Variants in ABHD3 observed in about 807,000 individuals in gnomAD.
ABHD3 encodes abhydrolase domain containing 3, phospholipase, also known as phospholipase ABHD3.
In ABHD3, 46 loss-of-function variants were observed where a neutral mutation model predicts 48.8. The ratio of observed to expected loss-of-function variants is 0.94; its 90% CI spans 0.74 to 1.20. The LOEUF is 1.20. Among genes scored for constraint, ABHD3 ranks in the 50% most tolerant of loss-of-function variants. The pLI is 0.00. For missense variants in ABHD3, 490 were observed against 497.8 expected, an observed-to-expected ratio of 0.98 and a Z score of 0.15; for synonymous variants, 192 against 183.7, an observed-to-expected ratio of 1.04 and a Z score of -0.36.
intron 8 of ABHD3, 58 bp from the exon 9 acceptor site, chr18:21,651,821 CA>C: frequency 6.9e-7 from 1 of 1,440,558 alleles, no homozygotes; most frequent in Non-Finnish European, 9.3e-7. Flanking sequence ...AAAATATAAT[CA>C]TTATGTTTTT....
In ABHD3 at chr18:21,651,410, A is replaced by C; in HGVS notation, c.*181T>G. The stretch of plus-strand genomic sequence containing the variant: ...TACGTAAGTAACAATCTAATACTAT[A>C]TTTAATTTGTTGCTACAAAGTTGTT... On this transcript the variant is annotated 3_prime_UTR_variant, in exon 9 of 9. Transcript: ENST00000289119. 1.8e-6 allele frequency: 1 copy of C among 565,920 alleles called. No individual in the cohort carries two copies. The highest frequency in any genetic ancestry group is 2.9e-6 in the Non-Finnish European group (1 of 340,140). The allele number at this position is 565,920 out of a possible 1,614,324, so 35.1% of individuals were successfully genotyped here. A position where few individuals can be genotyped will look rare whatever the true frequency, so the allele number is the denominator to read the frequency against.
chr18:21,666,398 T>G (rs1206981803), intron 4 of ABHD3, among the ~76,000 whole-genome samples: 2 of 152,190 alleles, frequency 1.3e-5, no homozygotes, highest in African/African-American at 4.8e-5. Flanking sequence ...TTCACCATGT[T>G]GGCCAGGCTG....
chr18:21,661,354 C>G (rs2039490590), intron 5 of ABHD3, among the ~76,000 whole-genome samples: 1 of 151,944 alleles, frequency 6.6e-6, no homozygotes, highest in Non-Finnish European at 1.5e-5. Context: ...AAGATAAACT[C>G]CAGCCGGGCG....
intron 4 of ABHD3, among the ~76,000 whole-genome samples, chr18:21,673,137 T>C (rs76992757): frequency 0.013 from 1,996 of 152,336 alleles, 47 homozygotes; most frequent in African/African-American, 0.045. Flanking sequence ...ACCTGGGTCA[T>C]GGAGGCTATC....
At chr18:21,703,870 G>A (rs1445723761) in intron 1 of ABHD3, 123 bp from the exon 2 acceptor site, 9 of 1,062,652 alleles carry the variant, frequency 8.5e-6, no homozygotes, top group Non-Finnish European at 1.2e-5. Flanking sequence ...CTTTCTGGAG[G>A]GCTGACGCAA....
rs1272756844 is a variant in ABHD3 at position 21,704,738 on chromosome 18, A to T, written c.-73T>A. 2 of 1,297,286 alleles carry T rather than the reference A, an allele frequency of 1.5e-6. No homozygotes were observed. The highest frequency in any genetic ancestry group is 6.4e-5 in the East Asian group (2 of 31,364). The allele number at this position is 1,297,286 out of a possible 1,614,324, so 80.4% of individuals were successfully genotyped here. ...TGGCGAGCGGGCGAGAGCGGGCGAG[A>T]GCGGACGCGGCGCCGCTGCCTACTC... On this transcript the variant is annotated 5_prime_UTR_variant, in exon 1 of 9. Transcript: ENST00000289119.
At chr18:21,684,754 T>C (rs2040093213) in intron 3 of ABHD3, among the ~76,000 whole-genome samples, 1 of 152,218 alleles carries the variant, frequency 6.6e-6, no homozygotes, top group Non-Finnish European at 1.5e-5. Context: ...GACACCAGAA[T>C]TTTACATGAG....
chr18:21,658,901 C>T (rs1410744755), intron 6 of ABHD3, among the ~76,000 whole-genome samples: 5 of 150,248 alleles, frequency 3.3e-5, no homozygotes, highest in South Asian at 2.1e-4. Flanking sequence ...TGCAGTGGCA[C>T]GATCTCGGCT....
intron 4 of ABHD3, among the ~76,000 whole-genome samples, chr18:21,677,426 C>G (rs1043689300): frequency 2.4e-4 from 36 of 149,934 alleles, no homozygotes; most frequent in Non-Finnish European, 4.6e-4. Flanking sequence ...AGGATGGTCT[C>G]GATCTCCTGA....
chr18:21,652,430 GAA>G (rs2039245122), intron 8 of ABHD3, among the ~76,000 whole-genome samples: 1 of 151,496 alleles, frequency 6.6e-6, no homozygotes, highest in South Asian at 2.1e-4. Context: ...AGAAGAAAAA[GAA>G]AAAGAGAAAG....
chr18:21,679,611 C>G (rs2039962306), intron 4 of ABHD3, among the ~76,000 whole-genome samples: 1 of 152,208 alleles, frequency 6.6e-6, no homozygotes, highest in Non-Finnish European at 1.5e-5. Context: ...TCACTGCAAC[C>G]TTTGCCTCCT....
intron 4 of ABHD3, among the ~76,000 whole-genome samples, chr18:21,675,421 G>T (rs2039859399): frequency 6.6e-6 from 1 of 151,708 alleles, no homozygotes; most frequent in Non-Finnish European, 1.5e-5. Flanking sequence ...GGCGCCTGTT[G>T]CCACGCCCAG....
At position 21,703,759 on chromosome 18, in the gene ABHD3, A is replaced by C. The variant is rs767504747; in HGVS notation, c.163-12T>G. Reference sequence around the variant, plus strand: ...ACTAACTGGGGTTTCTGAAGGGAAAAGCAGTATCAGAGAAGGGCCCAGAGC... The same window carrying C: ...ACTAACTGGGGTTTCTGAAGGGAAACGCAGTATCAGAGAAGGGCCCAGAGC... On this transcript the variant is annotated splice_polypyrimidine_tract_variant and intron_variant, in intron 1 of 8. Transcript: ENST00000289119. 6.2e-7 allele frequency: 1 copy of C among 1,611,602 alleles called. No individual in the cohort carries two copies. Among genetic ancestry groups the C allele is most frequent in the South Asian group, 1.1e-5 (1 of 91,046 alleles).
intron 4 of ABHD3, among the ~76,000 whole-genome samples, chr18:21,673,071 A>G (rs1300939636): frequency 6.6e-6 from 1 of 152,206 alleles, no homozygotes; most frequent in East Asian, 1.9e-4. Context: ...GGCTTAGAGC[A>G]GGTCAGCCAG....
In ABHD3 at chr18:21,669,327, T is replaced by C. The variant is rs569099644; in HGVS notation, c.556-5097A>G. Among the ~76,000 whole-genome samples, 4 of 152,312 alleles carry C rather than the reference T, an allele frequency of 2.6e-5. No homozygotes were observed. In the East Asian group the frequency reaches 7.7e-4, roughly 29 times the overall value. On this transcript the variant is annotated intron_variant, in intron 4 of 8. Coordinates refer to ENST00000289119, the MANE Select transcript of ABHD3 (RefSeq NM_138340.5). ...CAAATCTAGAACCTTTCCATCATAG[T>C]CGGCCTCCTGCTAGCTCCTCCCCTG...
chr18:21,685,544 T>C (rs983732283), intron 3 of ABHD3, among the ~76,000 whole-genome samples: 1 of 152,258 alleles, frequency 6.6e-6, no homozygotes, highest in African/African-American at 2.4e-5. Context: ...TTTTTGTTTT[T>C]TGAGACCATG....
At chr18:21,666,652 A>G (rs963123513) in intron 4 of ABHD3, among the ~76,000 whole-genome samples, 1 of 152,178 alleles carries the variant, frequency 6.6e-6, no homozygotes, top group Non-Finnish European at 1.5e-5. Flanking sequence ...TTCTAATAGT[A>G]TGTATATACA....
At chr18:21,678,964 CATAGTAA>C in intron 4 of ABHD3, among the ~76,000 whole-genome samples, 1 of 152,160 alleles carries the variant, frequency 6.6e-6, no homozygotes, top group Non-Finnish European at 1.5e-5. Flanking sequence ...TTGTAGGAGC[CATAGTAA>C]TCTCTATAAA....
chr18:21,682,341 C>G (rs1345343814), intron 4 of ABHD3: 3 of 152,148 alleles, frequency 2.0e-5, no homozygotes, highest in Non-Finnish European at 4.4e-5. Context: ...GCTGAGAGAG[C>G]CTCTCTCCCC....
Sources: allele counts gnomAD v4.1 joint callset (sites outside exome capture counted in the v4.1 genomes callset), GRCh38; gene constraint gnomAD v4.1.1; transcripts MANE v1.5; gene names NCBI Gene and HGNC (gene_info 2026-07-23, HGNC 2026-07-21).